LRFN2: variants seen among roughly 807,000 people sequenced by gnomAD.
LRFN2 encodes the protein leucine-rich repeat and fibronectin type-III domain-containing protein 2.
LRFN2 carries 18 observed loss-of-function variants against 37.3 expected under a neutral mutation model. The observed-to-expected ratio is 0.48, with a 90% confidence interval of 0.33 to 0.72. The LOEUF (loss-of-function observed/expected upper bound fraction) is 0.72. Among genes scored for constraint, LRFN2 ranks in the 30% least tolerant of loss-of-function variants. LRFN2 has a pLI of 0.02. For missense variants in LRFN2, 1,006 were observed against 1,060.7 expected (o/e 0.95, Z 0.72); for synonymous variants, 556 against 466.6 (o/e 1.19, Z -2.47).
chr6:40,586,674 C>G (rs1767509244), intron 1 of LRFN2, among the ~76,000 whole-genome samples: 1 of 152,150 alleles, frequency 6.6e-6, no homozygotes, highest in African/African-American at 2.4e-5. Flanking sequence ...GCTCTCCAGT[C>G]TCACATGGAC....
chr6:40,411,154 G>C (rs983394421), intron 2 of LRFN2, among the ~76,000 whole-genome samples: 1 of 152,162 alleles, frequency 6.6e-6, no homozygotes, highest in African/African-American at 2.4e-5. Context: ...GAGGTGCATG[G>C]GTCTGAAGCC....
rs758039943 is a variant in LRFN2 at position 40,432,999 on chromosome 6, G to C, written c.115C>G (p.Pro39Ala). Residue 39 changes from proline (P) to alanine (A), a missense_variant, in exon 2 of 3, where the codon CCC (proline) becomes GCC (alanine). Pro to Ala is a conservative substitution (Grantham distance 27). This residue lies in a region of LRFN2 where 185 missense variants were observed against 254.9 expected (regional missense o/e 0.73). Transcript: ENST00000338305. ...GGTACAAAGAGCAGCCCCTTGGAGG[G>C]GCACAGGGTCCCCAGTGACTCAGAC... ...NLSESLGTLC[P>A]SKGLLFVPPD... 17 of 1,609,980 alleles carry C rather than the reference G, an allele frequency of 1.1e-5. No homozygotes were observed. The highest frequency in any genetic ancestry group is 1.4e-5 in the Non-Finnish European group (17 of 1,177,748).
intron 1 of LRFN2, among the ~76,000 whole-genome samples, chr6:40,571,889 C>A (rs1437703829): frequency 6.6e-6 from 1 of 152,174 alleles, no homozygotes; most frequent in Non-Finnish European, 1.5e-5. Flanking sequence ...ACTTCTCAAT[C>A]GACCTGCCCA....
intron 1 of LRFN2, among the ~76,000 whole-genome samples, chr6:40,537,598 C>T (rs956298253): frequency 6.6e-5 from 10 of 152,162 alleles, no homozygotes; most frequent in African/African-American, 2.4e-4. Flanking sequence ...CTGATACCTA[C>T]CATCTTTGCC....
intron 2 of LRFN2, among the ~76,000 whole-genome samples, chr6:40,427,897 T>C (rs1011965763): frequency 3.9e-5 from 6 of 152,212 alleles, no homozygotes; most frequent in African/African-American, 7.2e-5. Context: ...CCAGAACTCA[T>C]AGACGGCACT....
intron 1 of LRFN2, among the ~76,000 whole-genome samples, chr6:40,527,124 G>A (rs1766269413): frequency 6.6e-6 from 1 of 152,214 alleles, no homozygotes; most frequent in Non-Finnish European, 1.5e-5. Context: ...CTTTGGAAGA[G>A]TGGCATTTCA....
At chr6:40,555,535 CT>C (rs1020225847) in intron 1 of LRFN2, among the ~76,000 whole-genome samples, 10 of 152,218 alleles carry the variant, frequency 6.6e-5, no homozygotes, top group African/African-American at 2.4e-4. Flanking sequence ...GCAGATCCCC[CT>C]CCTCACATGC....
intron 1 of LRFN2, among the ~76,000 whole-genome samples, chr6:40,494,369 C>A (rs1033108765): frequency 1.3e-5 from 2 of 152,166 alleles, no homozygotes; most frequent in East Asian, 1.9e-4. Flanking sequence ...AGTTTCCCCA[C>A]CCCCGTTTCC....
At chr6:40,458,303 G>A (rs189880318) in intron 1 of LRFN2, among the ~76,000 whole-genome samples, 1 of 152,296 alleles carries the variant, frequency 6.6e-6, no homozygotes, top group East Asian at 1.9e-4. Context: ...TTGCCGGAAT[G>A]ATTTCACTGC....
At chr6:40,490,371 G>A (rs1441299844) in intron 1 of LRFN2, among the ~76,000 whole-genome samples, 1 of 152,204 alleles carries the variant, frequency 6.6e-6, no homozygotes, top group Non-Finnish European at 1.5e-5. Context: ...GAGCAGCGAG[G>A]CTGCAGCTGC....
chr6:40,487,900 C>CT (rs201903445), intron 1 of LRFN2, among the ~76,000 whole-genome samples: 5 of 142,480 alleles, frequency 3.5e-5, no homozygotes, highest in African/African-American at 1.5e-4. Context: ...TCCTAACCCC[C>CT]TTTCCCAATC....
At chr6:40,431,240 G>A (rs1763471748) in intron 2 of LRFN2, among the ~76,000 whole-genome samples, 1 of 152,176 alleles carries the variant, frequency 6.6e-6, no homozygotes, top group African/African-American at 2.4e-5. Context: ...AGAATGAAAT[G>A]ACTAGCAAGT....
At chr6:40,508,579 AGT>A (rs1338776625) in intron 1 of LRFN2, among the ~76,000 whole-genome samples, 1 of 152,178 alleles carries the variant, frequency 6.6e-6, no homozygotes, top group Non-Finnish European at 1.5e-5. Context: ...ACTGCATACT[AGT>A]GGGTCACCTC....
intron 1 of LRFN2, among the ~76,000 whole-genome samples, chr6:40,448,933 G>A (rs1764036177): frequency 6.6e-6 from 1 of 152,168 alleles, no homozygotes; most frequent in Non-Finnish European, 1.5e-5. Flanking sequence ...TTAGTTGGGA[G>A]GGGTAACAGG....
chr6:40,424,241 T>C (rs910105557), intron 2 of LRFN2, among the ~76,000 whole-genome samples: 1 of 152,168 alleles, frequency 6.6e-6, no homozygotes, highest in African/African-American at 2.4e-5. Context: ...AACTTAGAAG[T>C]ATGAGACTGA....
intron 1 of LRFN2, among the ~76,000 whole-genome samples, chr6:40,525,009 G>T (rs961277822): frequency 6.6e-6 from 1 of 152,210 alleles, no homozygotes; most frequent in African/African-American, 2.4e-5. Context: ...GTGACTTTAG[G>T]AGAGTCACTT....
At chr6:40,501,567 A>G (rs1197609984) in intron 1 of LRFN2, 2 of 151,886 alleles carry the variant, frequency 1.3e-5, no homozygotes, top group African/African-American at 4.8e-5. Context: ...AGTTCGAGCA[A>G]TCCTCCTGCC....
intron 2 of LRFN2, among the ~76,000 whole-genome samples, chr6:40,423,783 T>A (rs537699967): frequency 6.6e-6 from 1 of 152,302 alleles, no homozygotes; most frequent in African/African-American, 2.4e-5. Flanking sequence ...CTTGTTTCCA[T>A]CTTTCCTATT....
chr6:40,411,307 G>A (rs1198133013), intron 2 of LRFN2, among the ~76,000 whole-genome samples: 3 of 152,286 alleles, frequency 2.0e-5, no homozygotes, highest in Non-Finnish European at 4.4e-5. Flanking sequence ...AACCCCAAAC[G>A]GGCACGGTAG....
Sources: gnomAD v4.1 joint callset for allele counts (sites outside exome capture counted in the v4.1 genomes callset) on GRCh38, gnomAD v4.1.1 for gene constraint, gnomAD v4.1.1 regional missense constraint, MANE v1.5 for transcripts, NCBI Gene and HGNC (gene_info 2026-07-23, HGNC 2026-07-21) for gene names.